DLG2: variants seen among roughly 807,000 people sequenced by gnomAD.
DLG2 encodes discs large MAGUK scaffold protein 2.
In DLG2, 45 loss-of-function variants were observed where a neutral mutation model predicts 132.5. That is an observed-to-expected ratio of 0.34 (90% confidence interval 0.27 to 0.44). The LOEUF (loss-of-function observed/expected upper bound fraction) is 0.44. Among genes scored for constraint, DLG2 ranks in the 20% least tolerant of loss-of-function variants. The probability of loss-of-function intolerance (pLI) is 1.00; values close to 1 mark genes in which losing one functional copy is unlikely to be tolerated. For synonymous variants in DLG2, 424 were observed against 419.6 expected, an observed-to-expected ratio of 1.01 and a Z score of -0.13; for missense variants, 1,045 against 1,196.9, an observed-to-expected ratio of 0.87 and a Z score of 1.87.
chr11:84,470,075 AAGGTAT>A (rs1266445376), intron 7 of DLG2, among the ~76,000 whole-genome samples: 1 of 151,784 alleles, frequency 6.6e-6, no homozygotes, highest in Non-Finnish European at 1.5e-5. Context: ...AAACATAGAC[AAGGTAT>A]AGTAAAAGTG....
intron 6 of DLG2, among the ~76,000 whole-genome samples, chr11:84,585,871 G>A (rs1024509767): frequency 1.2e-4 from 18 of 152,168 alleles, no homozygotes; most frequent in East Asian, 3.9e-4. Flanking sequence ...ATCTTATAGC[G>A]TTAACGCTGT....
chr11:84,863,518 C>A lies in DLG2; in HGVS notation c.357+248143G>T, dbSNP rs539469829. On this transcript the variant is annotated intron_variant, in intron 6 of 27. Transcript: ENST00000376104. ...TTTATTTCTTATTATTTAATCCATC[C>A]CTTCCTTTACTCTCTCATTACACCA... Among the ~76,000 whole-genome samples the A allele has an allele frequency of 2.6e-5, 4 of 152,122 alleles. No homozygotes were observed. The South Asian group carries it at 8.3e-4, about 32-fold the overall frequency.
intron 4 of DLG2, among the ~76,000 whole-genome samples, chr11:85,232,917 C>G (rs775545875): frequency 6.6e-6 from 1 of 151,826 alleles, no homozygotes; most frequent in Admixed American, 6.6e-5. Context: ...TTTGGTGACC[C>G]AGATGACAAG....
intron 3 of DLG2, among the ~76,000 whole-genome samples, chr11:85,449,790 GTTT>G (rs60329092): frequency 6.9e-6 from 1 of 144,524 alleles, no homozygotes; most frequent in South Asian, 2.2e-4. Flanking sequence ...ACTACCTAAA[GTTT>G]TTTTTTTTTT....
At chr11:84,025,884 C>T (rs2154082686) in intron 11 of DLG2, among the ~76,000 whole-genome samples, 1 of 152,022 alleles carries the variant, frequency 6.6e-6, no homozygotes, top group Middle Eastern at 3.4e-3. Flanking sequence ...TGTAAGCATT[C>T]TTATATTGAC....
intron 15 of DLG2, among the ~76,000 whole-genome samples, chr11:83,920,640 T>G (rs2077699567): frequency 6.6e-6 from 1 of 152,160 alleles, no homozygotes; most frequent in Admixed American, 6.5e-5. Context: ...TAGCTAAAAT[T>G]TATGGAGCAC....
intron 7 of DLG2, among the ~76,000 whole-genome samples, chr11:84,330,825 C>A (rs2154401066): frequency 6.6e-6 from 1 of 152,284 alleles, no homozygotes; most frequent in South Asian, 2.1e-4. Context: ...CCCCTTATTT[C>A]ATTTCTAGGT....
At chr11:85,420,016 T>C (rs764137526) in intron 3 of DLG2, among the ~76,000 whole-genome samples, 40 of 152,346 alleles carry the variant, frequency 2.6e-4, no homozygotes, top group Middle Eastern at 3.4e-3. Flanking sequence ...AGAGGCATTC[T>C]GGTTTTTGGA....
intron 16 of DLG2, among the ~76,000 whole-genome samples, chr11:83,837,437 G>T (rs1457009372): frequency 7.2e-5 from 11 of 152,170 alleles, no homozygotes; most frequent in Admixed American, 7.2e-4. Context: ...TGGAAGAAGT[G>T]TAAGGCCATC....
At chr11:84,869,629 G>C (rs996559855) in intron 6 of DLG2, among the ~76,000 whole-genome samples, 4 of 152,068 alleles carry the variant, frequency 2.6e-5, no homozygotes, top group African/African-American at 9.7e-5. Flanking sequence ...TATATTAAAG[G>C]CTCCTGACAA....
At chr11:84,243,536 T>C (rs909821878) in intron 8 of DLG2, among the ~76,000 whole-genome samples, 2 of 152,352 alleles carry the variant, frequency 1.3e-5, no homozygotes, top group South Asian at 2.1e-4. Context: ...AAGTTTCTTA[T>C]TGAGCAGTGT....
At chr11:84,225,156 A>G (rs911349967) in intron 8 of DLG2, among the ~76,000 whole-genome samples, 3 of 152,158 alleles carry the variant, frequency 2.0e-5, no homozygotes, top group African/African-American at 7.2e-5. Context: ...TTGCATCAGT[A>G]CCTCAGCTAA....
chr11:83,668,766 T>C, intron 18 of DLG2, among the ~76,000 whole-genome samples: 1 of 144,514 alleles, frequency 6.9e-6, no homozygotes, highest in African/African-American at 2.6e-5. Flanking sequence ...TATATGTGTA[T>C]ATAAACACAC....
At chr11:84,743,204 T>C (rs1173738151) in intron 6 of DLG2, among the ~76,000 whole-genome samples, 5 of 152,144 alleles carry the variant, frequency 3.3e-5, no homozygotes, top group African/African-American at 7.2e-5. Context: ...AACCAGTACA[T>C]TGACATTGGT....
At chr11:84,803,148 A>C (rs1306149677) in intron 6 of DLG2, among the ~76,000 whole-genome samples, 5 of 152,200 alleles carry the variant, frequency 3.3e-5, no homozygotes, top group Non-Finnish European at 5.9e-5. Context: ...TGTCCAACAA[A>C]ATTGTAAAGA....
In DLG2 at chr11:85,281,716, G is replaced by C. The variant is rs529220157; in HGVS notation, c.186+3504C>G. Reference sequence around the variant, plus strand: ...AAAAGACAGGGCAATAACGGATGCTGGTGAGGATGTGGAGAATGGGGAACC... The same window carrying C: ...AAAAGACAGGGCAATAACGGATGCTCGTGAGGATGTGGAGAATGGGGAACC... On this transcript the variant is annotated intron_variant, in intron 4 of 27. Transcript: ENST00000376104. 1.2e-3 allele frequency among the ~76,000 whole-genome samples: 190 copies of C among 152,062 alleles called. 1 individual carries two copies. The highest frequency in any genetic ancestry group is 4.3e-3 in the African/African-American group (178 of 41,528).
chr11:83,557,870 T>C (rs2142516018), intron 19 of DLG2, among the ~76,000 whole-genome samples: 1 of 152,216 alleles, frequency 6.6e-6, no homozygotes, highest in African/African-American at 2.4e-5. Context: ...GGCAGACTGT[T>C]TGTCAAGGAA....
At chr11:84,053,675 A>G (rs2096445182) in intron 11 of DLG2, among the ~76,000 whole-genome samples, 1 of 152,128 alleles carries the variant, frequency 6.6e-6, no homozygotes, top group East Asian at 1.9e-4. Context: ...GCAGATGCGG[A>G]AAGTGAGTCA....
chr11:83,814,694 A>G (rs566341112), intron 17 of DLG2: 1 of 159,384 alleles, frequency 6.3e-6, no homozygotes, highest in East Asian at 1.8e-4. Flanking sequence ...AGATGGGCCA[A>G]TGGCCCAAGA....
Sources: allele counts gnomAD v4.1 joint callset (sites outside exome capture counted in the v4.1 genomes callset), GRCh38; gene constraint gnomAD v4.1.1; transcripts MANE v1.5; gene names NCBI Gene and HGNC (gene_info 2026-07-23, HGNC 2026-07-21).